The following DAPK1 variants were observed in gnomAD, a reference collection of about 807,000 sequenced individuals.
DAPK1 encodes death associated protein kinase 1.
DAPK1 carries 56 observed loss-of-function variants against 144.9 expected under a neutral mutation model. The observed-to-expected ratio is 0.39, with a 90% CI of 0.31 to 0.48. DAPK1 has a LOEUF of 0.48. DAPK1 is among the 20% of genes least tolerant of loss of function. The pLI is 0.95. For synonymous variants in DAPK1, 690 were observed against 749.0 expected, an observed-to-expected ratio of 0.92 and a Z score of 1.29; for missense variants, 1,454 against 1,875.4, an observed-to-expected ratio of 0.78 and a Z score of 4.15.
At position 87,605,201 on chromosome 9, in the gene DAPK1, G is replaced by A. The variant is rs771881600; in HGVS notation, c.284+26G>A. On this transcript the variant is annotated intron_variant, in intron 3 of 25. Coordinates refer to ENST00000408954, the MANE Select transcript of DAPK1 (RefSeq NM_004938.4). ...GTGAGTGCCGCCTGGGCCAGGCTGG[G>A]GAGAGGGTGTGGTGGGCGTCAGCTG... 23 of 1,593,312 alleles carry A rather than the reference G, an allele frequency of 1.4e-5. No individual in the cohort carries two copies. The Admixed American group carries it at 2.7e-4, about 19-fold the overall frequency.
At chr9:87,640,246 C>A in intron 7 of DAPK1, 52 bp from the exon 8 acceptor site, 1 of 1,543,788 alleles carries the variant, frequency 6.5e-7, no homozygotes. Context: ...AGCAAAATGA[C>A]AACACCAAGG....
At chr9:87,587,852 A>G (rs542453849) in intron 2 of DAPK1, among the ~76,000 whole-genome samples, 15 of 152,360 alleles carry the variant, frequency 9.8e-5, no homozygotes, top group African/African-American at 2.9e-4. Flanking sequence ...ATTTTCCCCA[A>G]TAGAACAATG....
chr9:87,546,422 T>C (rs1230775641), intron 2 of DAPK1, among the ~76,000 whole-genome samples: 1 of 152,140 alleles, frequency 6.6e-6, no homozygotes, highest in Non-Finnish European at 1.5e-5. Context: ...TTGCCTGGCA[T>C]CTGACCCTTG....
At chr9:87,678,255 A>T (rs1824474341) in intron 19 of DAPK1, among the ~76,000 whole-genome samples, 1 of 152,216 alleles carries the variant, frequency 6.6e-6, no homozygotes, top group Non-Finnish European at 1.5e-5. Context: ...TACTACACAG[A>T]TAGTTTCAAA....
chr9:87,515,673 T>C (rs1825022602), intron 2 of DAPK1, among the ~76,000 whole-genome samples: 1 of 152,118 alleles, frequency 6.6e-6, no homozygotes, highest in Non-Finnish European at 1.5e-5. Context: ...GTGGGGATAT[T>C]GAGGAAAAGA....
At chr9:87,644,897 C>T (rs1214406751) in intron 11 of DAPK1, among the ~76,000 whole-genome samples, 1 of 152,182 alleles carries the variant, frequency 6.6e-6, no homozygotes, top group Non-Finnish European at 1.5e-5. Flanking sequence ...TTTCTCTTGA[C>T]TTGCACTTTC....
chr9:87,606,689 T>C (rs1587763065), intron 3 of DAPK1, among the ~76,000 whole-genome samples: 1 of 80,900 alleles, frequency 1.2e-5, no homozygotes, highest in Non-Finnish European at 2.3e-5. Context: ...TGTCCCTCCC[T>C]CTCTCCTTCC....
intron 2 of DAPK1, among the ~76,000 whole-genome samples, chr9:87,599,966 A>T (rs981695139): frequency 1.3e-5 from 2 of 152,212 alleles, no homozygotes; most frequent in African/African-American, 4.8e-5. Context: ...CGCATGCCTG[A>T]ATGAAGCTTA....
intron 3 of DAPK1, among the ~76,000 whole-genome samples, chr9:87,625,312 A>T (rs759941055): frequency 6.6e-6 from 1 of 152,242 alleles, no homozygotes; most frequent in South Asian, 2.1e-4. Context: ...TGTGCCTTGG[A>T]CACTGTAAGT....
chr9:87,528,636 G>T (rs1825595514), intron 2 of DAPK1, among the ~76,000 whole-genome samples: 1 of 151,940 alleles, frequency 6.6e-6, no homozygotes, highest in Non-Finnish European at 1.5e-5. Flanking sequence ...AAGCCAAACT[G>T]ACCTTCCTAT....
At chr9:87,627,875 G>A (rs533332353) in intron 3 of DAPK1, among the ~76,000 whole-genome samples, 161 of 152,274 alleles carry the variant, frequency 1.1e-3, no homozygotes, top group African/African-American at 3.6e-3. Context: ...ATATTGCACC[G>A]TTGCCATGTG....
intron 2 of DAPK1, among the ~76,000 whole-genome samples, chr9:87,594,156 T>C (rs1418624010): frequency 6.6e-6 from 1 of 152,222 alleles, no homozygotes; most frequent in Non-Finnish European, 1.5e-5. Context: ...AGAAAACATA[T>C]GGAGTGTTGT....
chr9:87,543,160 T>C (rs1826116336), intron 2 of DAPK1, among the ~76,000 whole-genome samples: 1 of 152,266 alleles, frequency 6.6e-6, no homozygotes. Flanking sequence ...TTCACATTTA[T>C]GTGCAAAACA....
chr9:87,677,096 G>A lies in DAPK1; in HGVS notation c.2002-4308G>A, dbSNP rs188027917. ...GGCATAGCATGAGCTGGAAGGCGCC[G>A]TGCACGTGGAAGTTACTGCTGCAGA... is the stretch of plus-strand genomic sequence containing the variant. On this transcript the variant is annotated intron_variant, in intron 19 of 25. Coordinates refer to ENST00000408954, the MANE Select transcript of DAPK1 (RefSeq NM_004938.4). Among the ~76,000 whole-genome samples the A allele has an allele frequency of 3.3e-4, 51 of 152,326 alleles. No individual in the cohort carries two copies. The East Asian group carries it at 4.2e-3, about 13-fold the overall frequency.
At chr9:87,583,124 A>C (rs2118838890) in intron 2 of DAPK1, among the ~76,000 whole-genome samples, 1 of 152,308 alleles carries the variant, frequency 6.6e-6, no homozygotes, top group East Asian at 1.9e-4. Flanking sequence ...AGGCAAAGAA[A>C]TGGTAAATAA....
intron 2 of DAPK1, among the ~76,000 whole-genome samples, chr9:87,540,448 C>G (rs1826007837): frequency 6.6e-6 from 1 of 152,114 alleles, no homozygotes; most frequent in African/African-American, 2.4e-5. Context: ...GCCTCAGCCT[C>G]CCAAAGTGCT....
intron 2 of DAPK1, among the ~76,000 whole-genome samples, chr9:87,586,501 T>A (rs896801188): frequency 6.6e-6 from 1 of 152,202 alleles, no homozygotes; most frequent in Non-Finnish European, 1.5e-5. Context: ...AATTTGAAGA[T>A]TACATAACTA....
intron 11 of DAPK1, among the ~76,000 whole-genome samples, chr9:87,644,706 A>T (rs1433693478): frequency 1.3e-5 from 2 of 152,238 alleles, no homozygotes; most frequent in East Asian, 3.9e-4. Flanking sequence ...AAATCACTGA[A>T]TATTCAACTG....
At chr9:87,698,467 G>A (rs969423646) in intron 22 of DAPK1, 189 bp from the exon 23 acceptor site, 16 of 555,180 alleles carry the variant, frequency 2.9e-5, no homozygotes, top group Non-Finnish European at 4.2e-5. Flanking sequence ...TTATCCTGTC[G>A]TTGGCCATGC....
Sources: gnomAD v4.1 joint callset for allele counts (sites outside exome capture counted in the v4.1 genomes callset) on GRCh38, gnomAD v4.1.1 for gene constraint, MANE v1.5 for transcripts, NCBI Gene and HGNC (gene_info 2026-07-23, HGNC 2026-07-21) for gene names.